Variants in IL23R observed in about 807,000 individuals in gnomAD.
IL23R encodes the protein interleukin-23 receptor.
A neutral mutation model predicts 56.9 loss-of-function variants in IL23R; 34 were observed. That is an observed-to-expected ratio of 0.60 (90% CI 0.45 to 0.80). IL23R has a LOEUF of 0.80. Among genes scored for constraint, IL23R ranks in the 30% least tolerant of loss-of-function variants. The probability of loss-of-function intolerance (pLI) is 0.00; values close to 1 mark genes in which losing one functional copy is unlikely to be tolerated. For synonymous variants in IL23R, 230 were observed against 249.2 expected, an observed-to-expected ratio of 0.92 and a Z score of 0.73; for missense variants, 635 against 730.0, an observed-to-expected ratio of 0.87 and a Z score of 1.50.
chr1:67,247,483 T>C (rs1318755097), intron 9 of IL23R, among the ~76,000 whole-genome samples: 2 of 152,112 alleles, frequency 1.3e-5, no homozygotes, highest in East Asian at 3.9e-4. Context: ...TTTGTATTTT[T>C]AGTAGAGATG....
intron 9 of IL23R, among the ~76,000 whole-genome samples, chr1:67,241,956 G>A (rs1166364514): frequency 6.6e-6 from 1 of 152,104 alleles, no homozygotes; most frequent in Non-Finnish European, 1.5e-5. Context: ...CATCATAAGT[G>A]CCAGCAGCTG....
At chr1:67,258,315 A>G (rs772797884) in intron 10 of IL23R, among the ~76,000 whole-genome samples, 163 bp from the exon 11 acceptor site, 47 of 152,176 alleles carry the variant, frequency 3.1e-4, no homozygotes, top group Non-Finnish European at 4.1e-4. Flanking sequence ...CAAGCAGGAT[A>G]ACAAAAGACA....
At chr1:67,142,491 T>G (rs146839604) in intron 1 of IL23R, among the ~76,000 whole-genome samples, 4 of 152,342 alleles carry the variant, frequency 2.6e-5, no homozygotes, top group African/African-American at 9.6e-5. Context: ...TATGCAGAGC[T>G]GAAGCCTCTC....
chr1:67,208,863 C>T (rs1020759280), intron 6 of IL23R, among the ~76,000 whole-genome samples: 3 of 152,098 alleles, frequency 2.0e-5, no homozygotes, highest in African/African-American at 4.8e-5. Flanking sequence ...CAGCTTGAAC[C>T]GTGCACCTGG....
upstream of IL23R, among the ~76,000 whole-genome samples, chr1:67,166,211 AG>A (rs1230052022): frequency 5.3e-5 from 8 of 152,256 alleles, no homozygotes; most frequent in Admixed American, 3.3e-4. Context: ...GACATTTTTA[AG>A]AAAACATGTA....
chr1:67,207,342 A>C (rs534896063), intron 6 of IL23R, among the ~76,000 whole-genome samples: 1 of 152,102 alleles, frequency 6.6e-6, no homozygotes, highest in East Asian at 1.9e-4. Context: ...TTGCTTTTCA[A>C]CCCTTGCCTT....
intron 1 of IL23R, among the ~76,000 whole-genome samples, chr1:67,149,301 G>A (rs776169846): frequency 8.5e-5 from 13 of 152,106 alleles, no homozygotes; most frequent in Non-Finnish European, 1.8e-4. Context: ...AGCCTCGTTG[G>A]CCACCCCGTG....
Position 67,259,196 on chromosome 1 carries a change from G to C in IL23R, c.*68G>C. 6.8e-7 allele frequency: 1 copy of C among 1,476,204 alleles called. No homozygotes were observed. Among genetic ancestry groups the C allele is most frequent in the Non-Finnish European group, 9.4e-7 (1 of 1,059,388 alleles). The allele number at this position is 1,476,204 out of a possible 1,614,324, so 91.4% of individuals were successfully genotyped here. A position where few individuals can be genotyped will look rare whatever the true frequency, so the allele number is the denominator to read the frequency against. ...CTGAACTTGGGTTTTCCCTGCAATA[G>C]AAATTGAATTCTGCCTCTTTTTGAA... On this transcript the variant is annotated 3_prime_UTR_variant, in exon 11 of 11. Coordinates refer to ENST00000347310, the MANE Select transcript of IL23R (RefSeq NM_144701.3).
At chr1:67,234,076 T>A (rs1436659271) in intron 7 of IL23R, among the ~76,000 whole-genome samples, 1 of 152,152 alleles carries the variant, frequency 6.6e-6, no homozygotes, top group East Asian at 1.9e-4. Context: ...GATGGTTCTT[T>A]TTTTCTCCTT....
chr1:67,178,113 T>C (rs1570786942), intron 3 of IL23R, among the ~76,000 whole-genome samples: 1 of 152,158 alleles, frequency 6.6e-6, no homozygotes, highest in Non-Finnish European at 1.5e-5. Flanking sequence ...TTGTGTTTGG[T>C]TCCATATGAC....
At chr1:67,197,621 C>T (rs1161434924) in intron 4 of IL23R, among the ~76,000 whole-genome samples, 1 of 152,162 alleles carries the variant, frequency 6.6e-6, no homozygotes, top group Non-Finnish European at 1.5e-5. Context: ...TGAGGACACT[C>T]CTGTGTTAGT....
chr1:67,163,468 CAAAAAAAAAAA>C (rs57495148), upstream of IL23R, among the ~76,000 whole-genome samples: 13 of 49,606 alleles, frequency 2.6e-4, no homozygotes, highest in East Asian at 3.0e-3. Flanking sequence ...GACCCTGTCT[CAAAAAAAAAAA>C]AAAAAAAAAA....
chr1:67,178,390 G>T (rs1270978193), intron 3 of IL23R, among the ~76,000 whole-genome samples: 1 of 152,116 alleles, frequency 6.6e-6, no homozygotes, highest in Non-Finnish European at 1.5e-5. Context: ...ATTGTGAATG[G>T]GAGTTCACTT....
chr1:67,230,233 T>C (rs1346053385), intron 7 of IL23R, among the ~76,000 whole-genome samples: 1 of 152,238 alleles, frequency 6.6e-6, no homozygotes, highest in African/African-American at 2.4e-5. Flanking sequence ...GGGCATCTGG[T>C]TGGTGAGGTT....
At chr1:67,198,676 G>A (rs903031300) in intron 4 of IL23R, among the ~76,000 whole-genome samples, 1 of 152,194 alleles carries the variant, frequency 6.6e-6, no homozygotes, top group Non-Finnish European at 1.5e-5. Context: ...TGGGCGAGGT[G>A]GCTCATGCCT....
intron 5 of IL23R, among the ~76,000 whole-genome samples, chr1:67,202,437 T>G (rs1648706906): frequency 6.6e-6 from 1 of 152,112 alleles, no homozygotes; most frequent in Admixed American, 6.6e-5. Flanking sequence ...GGGATTTTGC[T>G]ATGTTGGCCA....
chr1:67,222,825 CTT>C lies in IL23R; in HGVS notation c.955+3098_955+3099del, dbSNP rs145893563. On this transcript the variant is annotated intron_variant, in intron 7 of 10. Coordinates refer to ENST00000347310, the MANE Select transcript of IL23R (RefSeq NM_144701.3). The stretch of plus-strand genomic sequence containing the variant: ...CTAGGTCAGTTGGTAGAGTATGAGA[CTT>C]TTAATCCCAGTGTGAAAATACTGTG... 0.013 allele frequency among the ~76,000 whole-genome samples: 1,974 copies of C among 152,238 alleles called. 81 individuals carry two copies. The East Asian group carries it at 0.14, about 11-fold the overall frequency.
In IL23R at chr1:67,228,363, C is replaced by CTTTTTTTTTTTTTT. The variant is rs78083258; in HGVS notation, c.956-8348_956-8335dup. On this transcript the variant is annotated intron_variant, in intron 7 of 10. Coordinates refer to ENST00000347310, the MANE Select transcript of IL23R (RefSeq NM_144701.3). ...CATACCCAGCTAATTTTTTTTCTTC[C>CTTTTTTTTTTTTTT]TTTTTTTTTTTTTTTGTAGAGACAG... Among the ~76,000 whole-genome samples the CTTTTTTTTTTTTTT allele has an allele frequency of 3.9e-3, 409 of 105,764 alleles. 4 individuals carry two copies. The highest frequency in any genetic ancestry group is 0.017 in the East Asian group (44 of 2,640). The allele number at this position is 105,764 out of a possible 152,430, so 69.4% of individuals were successfully genotyped here.
At chr1:67,206,292 C>T (rs1649050456) in intron 5 of IL23R, among the ~76,000 whole-genome samples, 1 of 152,094 alleles carries the variant, frequency 6.6e-6, no homozygotes, top group Non-Finnish European at 1.5e-5. Flanking sequence ...GGAATACAGA[C>T]ATGAGCCACC....
Sources: gnomAD v4.1 joint callset for allele counts (sites outside exome capture counted in the v4.1 genomes callset) on GRCh38, gnomAD v4.1.1 for gene constraint, MANE v1.5 for transcripts, NCBI Gene and HGNC (gene_info 2026-07-23, HGNC 2026-07-21) for gene names.